CTNNA3: variants seen among roughly 807,000 people sequenced by gnomAD.
CTNNA3 encodes catenin alpha-3.
A neutral mutation model predicts 95.7 loss-of-function variants in CTNNA3; 76 were observed. The observed-to-expected ratio is 0.79, with a 90% CI of 0.66 to 0.96. The LOEUF (loss-of-function observed/expected upper bound fraction) is 0.96, where lower values mean the gene tolerates loss of function less well. Ranked by LOEUF, CTNNA3 falls within the 40% of genes least tolerant of loss-of-function variation. The probability of loss-of-function intolerance (pLI) is 0.00; values close to 1 mark genes in which losing one functional copy is unlikely to be tolerated. For synonymous variants in CTNNA3, 431 were observed against 374.4 expected (o/e 1.15, Z -1.74); for missense variants, 1,191 against 1,089.8 (o/e 1.09, Z -1.31).
chr10:66,282,724 G>T (rs76969121), intron 12 of CTNNA3, among the ~76,000 whole-genome samples: 1 of 151,746 alleles, frequency 6.6e-6, no homozygotes, highest in East Asian at 1.9e-4. Flanking sequence ...TTAGCATTAA[G>T]TATTATAGTA....
Position 66,322,109 on chromosome 10 carries a change from T to C in CTNNA3, c.1733-41488A>G, listed in dbSNP as rs368042092. ...AACAGGCCTCACAGAGGATTTCGAA[T>C]CTTTTTCTAAGTTCTGTGGAAAACC... On this transcript the variant is annotated intron_variant, in intron 12 of 17. Coordinates refer to ENST00000433211, the MANE Select transcript of CTNNA3 (RefSeq NM_013266.4). Among the ~76,000 whole-genome samples, 69 of 152,216 alleles carry C rather than the reference T, an allele frequency of 4.5e-4. 1 individual carries two copies. In the South Asian group the frequency reaches 0.014, roughly 31 times the overall value.
rs1339658656 is a variant in CTNNA3, at chr10:66,542,268, G to A, written c.1375-21495C>T. Among the ~76,000 whole-genome samples the A allele has an allele frequency of 2.6e-5, 4 of 151,948 alleles. No individual in the cohort carries two copies. In the East Asian group the frequency reaches 5.8e-4, roughly 22 times the overall value. ...GTGCTGGAGAGGATGTGGAGAAATA[G>A]GAACACTTTTACACTGTTGGTGGGA... On this transcript the variant is annotated intron_variant, in intron 10 of 17. Coordinates refer to ENST00000433211, the MANE Select transcript of CTNNA3 (RefSeq NM_013266.4).
At chr10:67,751,150 T>A in intron 1 of CTNNA3, 1 of 1,306,954 alleles carries the variant, frequency 7.7e-7, no homozygotes. Flanking sequence ...GCAACCACAC[T>A]CAGCTTCAAC....
intron 11 of CTNNA3, among the ~76,000 whole-genome samples, chr10:66,514,007 C>T (rs1464549517): frequency 6.6e-6 from 1 of 152,024 alleles, no homozygotes; most frequent in Middle Eastern, 3.2e-3. Flanking sequence ...CAATTAGGCC[C>T]CAGGGCAGGA....
chr10:66,999,414 T>A (rs539074623), intron 7 of CTNNA3, among the ~76,000 whole-genome samples: 1 of 152,296 alleles, frequency 6.6e-6, no homozygotes, highest in Non-Finnish European at 1.5e-5. Context: ...AAGCATCTAA[T>A]AATTAAATTA....
intron 16 of CTNNA3, among the ~76,000 whole-genome samples, chr10:65,974,933 C>T (rs1589200490): frequency 6.6e-6 from 1 of 151,900 alleles, no homozygotes; most frequent in Non-Finnish European, 1.5e-5. Flanking sequence ...ATTCTAATGA[C>T]CTAAACTGCA....
intron 5 of CTNNA3, among the ~76,000 whole-genome samples, chr10:67,249,138 A>G (rs1166203123): frequency 6.6e-6 from 1 of 152,222 alleles, no homozygotes; most frequent in Non-Finnish European, 1.5e-5. Context: ...AAAGAGTACT[A>G]TAAAGTAAAA....
chr10:66,028,514 A>T (rs184786603), intron 15 of CTNNA3, among the ~76,000 whole-genome samples: 1 of 151,530 alleles, frequency 6.6e-6, no homozygotes, highest in African/African-American at 2.4e-5. Context: ...CAAACACCGC[A>T]TGTTCTCACT....
chr10:67,670,929 T>C (rs919236560), intron 1 of CTNNA3, among the ~76,000 whole-genome samples: 5 of 152,192 alleles, frequency 3.3e-5, no homozygotes, highest in African/African-American at 9.6e-5. Flanking sequence ...TCCCATCTCT[T>C]TCTACTTCTA....
At chr10:66,081,028 C>T (rs1184109667) in intron 14 of CTNNA3, among the ~76,000 whole-genome samples, 1 of 152,132 alleles carries the variant, frequency 6.6e-6, no homozygotes, top group African/African-American at 2.4e-5. Context: ...AAAGTAGATG[C>T]TTTAAGAAAA....
rs115550048 is a variant in CTNNA3, at chr10:66,181,780, A to G, written c.1885-78531T>C. Among the ~76,000 whole-genome samples, 451 of 152,296 alleles carry G rather than the reference A, an allele frequency of 3.0e-3. 2 individuals are homozygous for G. Among genetic ancestry groups the G allele is most frequent in the African/African-American group, 0.01 (424 of 41,542 alleles). On this transcript the variant is annotated intron_variant, in intron 13 of 17. Transcript: ENST00000433211. ...TGGTTTTTGAGTTGGTATGCTTAAG[A>G]AGAGATTAAATCTACCTCCAAATTA...
chr10:66,434,055 G>C (rs1191261797), intron 11 of CTNNA3, among the ~76,000 whole-genome samples: 1 of 152,076 alleles, frequency 6.6e-6, no homozygotes, highest in Admixed American at 6.6e-5. Context: ...GCCTTGTAGT[G>C]TAGTTTGAAG....
chr10:66,573,379 C>G (rs956415839), intron 10 of CTNNA3, among the ~76,000 whole-genome samples: 1 of 152,108 alleles, frequency 6.6e-6, no homozygotes, highest in Non-Finnish European at 1.5e-5. Flanking sequence ...TTGCTCGCAG[C>G]CCATAGCTTC....
chr10:67,415,283 A>C (rs1845504892), intron 5 of CTNNA3, among the ~76,000 whole-genome samples: 1 of 152,202 alleles, frequency 6.6e-6, no homozygotes, highest in Non-Finnish European at 1.5e-5. Context: ...TCCAAGAATT[A>C]ATAAGCAACT....
intron 7 of CTNNA3, among the ~76,000 whole-genome samples, chr10:67,159,910 A>G (rs1025616450): frequency 6.6e-6 from 1 of 152,174 alleles, no homozygotes; most frequent in Non-Finnish European, 1.5e-5. Flanking sequence ...ATCAAAGGCA[A>G]CAATTGAGAG....
rs148671159 is a variant in CTNNA3 at position 66,156,624 on chromosome 10, G to GA, written c.1885-53376dup. Among the ~76,000 whole-genome samples the GA allele has an allele frequency of 3.8e-3, 561 of 148,148 alleles. 7 individuals are homozygous for GA. The highest frequency in any genetic ancestry group is 6.9e-3 in the Middle Eastern group (2 of 288). On this transcript the variant is annotated intron_variant, in intron 13 of 17. Coordinates refer to ENST00000433211, the MANE Select transcript of CTNNA3 (RefSeq NM_013266.4). ...AAAATGTCAAGTGGTGAAAATGAAGGAAAAAAAAACAGTAGTGAACATATA... is the reference window on the plus strand; with the variant it reads ...AAAATGTCAAGTGGTGAAAATGAAGGAAAAAAAAAACAGTAGTGAACATATA...
chr10:66,074,936 T>TA (rs912026103), intron 14 of CTNNA3, among the ~76,000 whole-genome samples: 7 of 151,652 alleles, frequency 4.6e-5, no homozygotes, highest in African/African-American at 9.7e-5. Flanking sequence ...ACTCAAGAGC[T>TA]AAAAAAAACT....
chr10:66,939,103 C>T (rs888397789), intron 7 of CTNNA3, among the ~76,000 whole-genome samples: 9 of 152,270 alleles, frequency 5.9e-5, no homozygotes, highest in Non-Finnish European at 8.8e-5. Flanking sequence ...TCTGATTTTA[C>T]GCGTTTCCAA....
chr10:66,891,803 A>C (rs1845279298), intron 7 of CTNNA3, among the ~76,000 whole-genome samples: 1 of 152,266 alleles, frequency 6.6e-6, no homozygotes, highest in Admixed American at 6.5e-5. Context: ...CACTCAAATA[A>C]AGAAGTTACC....
Sources: gnomAD v4.1 joint callset for allele counts (sites outside exome capture counted in the v4.1 genomes callset) on GRCh38, gnomAD v4.1.1 for gene constraint, MANE v1.5 for transcripts, NCBI Gene and HGNC (gene_info 2026-07-23, HGNC 2026-07-21) for gene names.